The following TCF7L2 variants were observed in gnomAD, a reference collection of about 807,000 sequenced individuals.
TCF7L2 encodes the protein transcription factor 7-like 2.
Under a neutral mutation model 77.9 loss-of-function variants are expected in TCF7L2, and 23 were observed. The observed-to-expected ratio is 0.30, with a 90% CI of 0.21 to 0.42. The LOEUF (loss-of-function observed/expected upper bound fraction) is 0.42. TCF7L2 is among the 10% of genes least tolerant of loss of function. The pLI is 1.00. For missense variants in TCF7L2, 654 were observed against 793.1 expected, an observed-to-expected ratio of 0.82 and a Z score of 2.11; for synonymous variants, 413 against 340.2, an observed-to-expected ratio of 1.21 and a Z score of -2.36.
At chr10:113,015,209 T>G (rs1221427013) in intron 4 of TCF7L2, among the ~76,000 whole-genome samples, 1 of 152,190 alleles carries the variant, frequency 6.6e-6, no homozygotes, top group African/African-American at 2.4e-5. Flanking sequence ...CTCTGAAATT[T>G]TTGCCTGTCC....
At chr10:113,104,904 CA>C (rs2135968522) in intron 5 of TCF7L2, among the ~76,000 whole-genome samples, 1 of 152,300 alleles carries the variant, frequency 6.6e-6, no homozygotes, top group Admixed American at 6.5e-5. Flanking sequence ...AAGGAGGGCA[CA>C]GTTAACTCAG....
intron 5 of TCF7L2, among the ~76,000 whole-genome samples, chr10:113,064,311 G>A (rs1459875160): frequency 1.3e-5 from 2 of 152,224 alleles, no homozygotes; most frequent in East Asian, 3.8e-4. Context: ...CTGGTTCCGT[G>A]CTCTGCAGAA....
rs139772706 is a variant in TCF7L2 at position 113,165,051 on chromosome 10, A to ACACACACTCACACT, written c.1392-490_1392-477dup. ...AGCTCTGTCTTTCTCTTTTAAACAC[A>ACACACACTCACACT]CACACACTCACACTCACACACTCAC... On this transcript the variant is annotated intron_variant, in intron 13 of 13. Transcript: ENST00000627217. Among the ~76,000 whole-genome samples the ACACACACTCACACT allele has an allele frequency of 4.3e-3, 661 of 152,144 alleles. 5 individuals carry two copies. Among genetic ancestry groups the ACACACACTCACACT allele is most frequent in the African/African-American group, 0.015 (616 of 41,492 alleles).
In TCF7L2 at chr10:113,165,675, C is replaced by T. The variant is rs151216935; in HGVS notation, c.1512C>T (p.Pro504=). ...CCCCGAACCTGCTAGGCTCCCCTCC[C>T]CGAGACGCCAAGTCACAGACTGAGC... Residue 504 remains proline (P), a synonymous_variant, in exon 14 of 14, where the codon CCC becomes CCT. Transcript: ENST00000627217. 2 of 1,611,232 alleles carry T rather than the reference C, an allele frequency of 1.2e-6. No homozygotes were observed. Among genetic ancestry groups the T allele is most frequent in the Non-Finnish European group, 1.7e-6 (2 of 1,178,718 alleles).
chr10:112,990,893 C>G (rs1278267666), intron 4 of TCF7L2, among the ~76,000 whole-genome samples: 5 of 152,098 alleles, frequency 3.3e-5, no homozygotes, highest in Non-Finnish European at 5.9e-5. Context: ...AAAATGCTAC[C>G]CAAGACAGGC....
chr10:113,048,318 A>AT (rs1235335379), intron 5 of TCF7L2, among the ~76,000 whole-genome samples: 1 of 152,150 alleles, frequency 6.6e-6, no homozygotes, highest in Non-Finnish European at 1.5e-5. Flanking sequence ...TGTCTTGCTG[A>AT]TTAACTCTAT....
intron 4 of TCF7L2, among the ~76,000 whole-genome samples, chr10:112,968,839 A>C (rs953928394): frequency 6.6e-6 from 1 of 152,066 alleles, no homozygotes; most frequent in Non-Finnish European, 1.5e-5. Flanking sequence ...TGGCCTCCCA[A>C]AGTGCTGGGA....
Position 112,995,988 on chromosome 10 carries a change from T to A in TCF7L2, c.450+31364T>A, listed in dbSNP as rs548037202. Among the ~76,000 whole-genome samples, 13 of 152,372 alleles carry A rather than the reference T, an allele frequency of 8.5e-5. No individual in the cohort carries two copies. The East Asian group carries it at 9.6e-4, about 11-fold the overall frequency. ...TGAGCCTCTAGGAGCTGAGATTTTT[T>A]AAATTTCCCACTTAAACATTTATTT... On this transcript the variant is annotated intron_variant, in intron 4 of 13. Transcript: ENST00000627217.
At chr10:113,141,111 G>A (rs994815229) in intron 5 of TCF7L2, 73 bp from the exon 6 acceptor site, 27 of 1,577,988 alleles carry the variant, frequency 1.7e-5, no homozygotes, top group East Asian at 2.3e-5. Context: ...GGGAACCCAC[G>A]GGCCCGGTGC....
chr10:113,060,029 T>G (rs572604948), intron 5 of TCF7L2, among the ~76,000 whole-genome samples: 9 of 152,314 alleles, frequency 5.9e-5, no homozygotes, highest in African/African-American at 2.2e-4. Flanking sequence ...GATATGACAG[T>G]GGGCTTTAGG....
chr10:113,089,406 C>G (rs2060145170), intron 5 of TCF7L2: 5 of 1,613,302 alleles, frequency 3.1e-6, no homozygotes, highest in African/African-American at 1.3e-5. Flanking sequence ...GCAGAGCCCC[C>G]TCCCTTGCTG....
chr10:113,122,859 T>TC (rs2065014134), intron 5 of TCF7L2, among the ~76,000 whole-genome samples: 2 of 152,218 alleles, frequency 1.3e-5, no homozygotes, highest in African/African-American at 4.8e-5. Flanking sequence ...GCAACCGTTA[T>TC]AGGGAAGAGA....
At chr10:112,996,852 C>T (rs1488878459) in intron 4 of TCF7L2, among the ~76,000 whole-genome samples, 1 of 152,190 alleles carries the variant, frequency 6.6e-6, no homozygotes, top group Non-Finnish European at 1.5e-5. Flanking sequence ...TTTGGGGGAC[C>T]TTGCAAGGGC....
chr10:113,069,417 A>G (rs2057673361), intron 5 of TCF7L2, among the ~76,000 whole-genome samples: 1 of 151,960 alleles, frequency 6.6e-6, no homozygotes, highest in Admixed American at 6.6e-5. Context: ...TTTAGTAGAG[A>G]CAGGGTTTCA....
At chr10:112,974,019 C>A (rs770306640) in intron 4 of TCF7L2, among the ~76,000 whole-genome samples, 1 of 152,158 alleles carries the variant, frequency 6.6e-6, no homozygotes, top group East Asian at 1.9e-4. Flanking sequence ...TTGGTGGACA[C>A]GGGACAAGAC....
chr10:112,952,593 AGGCCCGTCGTG>A (rs2032095153), intron 3 of TCF7L2, among the ~76,000 whole-genome samples: 1 of 152,150 alleles, frequency 6.6e-6, no homozygotes, highest in Non-Finnish European at 1.5e-5. Context: ...GCTTCCGTGT[AGGCCCGTCGTG>A]GGCCCCAGGG....
At chr10:113,087,925 A>T (rs1042528557) in intron 5 of TCF7L2, among the ~76,000 whole-genome samples, 1 of 152,180 alleles carries the variant, frequency 6.6e-6, no homozygotes, top group Non-Finnish European at 1.5e-5. Flanking sequence ...GCTGTTGTAT[A>T]ACTTTTTCCT....
rs1423971568 is a variant in TCF7L2, at chr10:113,166,876, A to G, written c.*904A>G. 4.4e-6 allele frequency: 1 copy of G among 228,706 alleles called. No individual in the cohort carries two copies. Among genetic ancestry groups the G allele is most frequent in the Non-Finnish European group, 8.7e-6 (1 of 115,552 alleles). The allele number at this position is 228,706 out of a possible 1,614,324, so 14.2% of individuals were successfully genotyped here. Reference sequence around the variant, plus strand: ...TCACCAAATGGACATTAATAGTTGCATTAAGGATCAGTAGCATTAACAAAA... The same window carrying G: ...TCACCAAATGGACATTAATAGTTGCGTTAAGGATCAGTAGCATTAACAAAA... On this transcript the variant is annotated 3_prime_UTR_variant, in exon 14 of 14. Coordinates refer to ENST00000627217, the MANE Select transcript of TCF7L2 (RefSeq NM_001146274.2).
In TCF7L2 at chr10:113,165,612, C is replaced by G. The variant is rs773739735; in HGVS notation, c.1449C>G (p.Pro483=). ...GTGAAGGCAGCTGCCTCAGCCCACC[C>G]TCTTCAGATGGAAGCTTACTAGATT... The change falls in exon 14 of 14, where the codon CCC becomes CCG. Residue 483 remains proline (P), a synonymous_variant. Transcript: ENST00000627217. 31 of 1,614,110 alleles carry G rather than the reference C, an allele frequency of 1.9e-5. No individual in the cohort carries two copies. In the Admixed American group the frequency reaches 5.0e-4, roughly 26 times the overall value.
Sources: gnomAD v4.1 joint callset for allele counts (sites outside exome capture counted in the v4.1 genomes callset) on GRCh38, gnomAD v4.1.1 for gene constraint, MANE v1.5 for transcripts, NCBI Gene and HGNC (gene_info 2026-07-23, HGNC 2026-07-21) for gene names.